The following MEIS2 variants were observed in gnomAD, a reference collection of about 807,000 sequenced individuals.
The protein encoded by MEIS2 is homeobox protein Meis2.
MEIS2 carries 9 observed loss-of-function variants against 58.6 expected under a neutral mutation model. That is an observed-to-expected ratio of 0.15 (90% CI 0.09 to 0.27). The LOEUF is 0.27. Among genes scored for constraint, MEIS2 ranks in the 10% least tolerant of loss-of-function variants. The probability of loss-of-function intolerance (pLI) is 1.00; values close to 1 mark genes in which losing one functional copy is unlikely to be tolerated. For synonymous variants in MEIS2, 221 were observed against 228.4 expected (o/e 0.97, Z 0.29); for missense variants, 427 against 635.0 (o/e 0.67, Z 3.52).
intron 7 of MEIS2, among the ~76,000 whole-genome samples, chr15:37,056,732 T>C (rs1345426405): frequency 6.6e-6 from 1 of 152,196 alleles, no homozygotes; most frequent in Non-Finnish European, 1.5e-5. Flanking sequence ...TCCACCATTA[T>C]GGAAATTATA....
intron 9 of MEIS2, among the ~76,000 whole-genome samples, chr15:36,946,848 C>G (rs969266423): frequency 3.9e-5 from 6 of 151,966 alleles, no homozygotes; most frequent in Non-Finnish European, 5.9e-5. Context: ...TAACCCCACA[C>G]GGTCTGATTC....
chr15:36,917,177 C>T (rs973530997), intron 9 of MEIS2, among the ~76,000 whole-genome samples: 1 of 152,222 alleles, frequency 6.6e-6, no homozygotes, highest in African/African-American at 2.4e-5. Context: ...TCTTTATCCG[C>T]TATTTCCCAG....
intron 9 of MEIS2, among the ~76,000 whole-genome samples, chr15:36,900,339 GA>G (rs1453454182): frequency 2.6e-5 from 4 of 152,056 alleles, no homozygotes; most frequent in Admixed American, 6.5e-5. Context: ...CTTAGGGAAT[GA>G]ATACCCTAAA....
intron 7 of MEIS2, among the ~76,000 whole-genome samples, chr15:37,080,537 T>C (rs951564996): frequency 2.6e-5 from 4 of 152,094 alleles, no homozygotes; most frequent in Non-Finnish European, 5.9e-5. Context: ...TCTGGCAAAA[T>C]ACACAGTGAA....
chr15:36,892,734 T>C (rs1368069493), intron 11 of MEIS2, among the ~76,000 whole-genome samples: 2 of 152,226 alleles, frequency 1.3e-5, no homozygotes, highest in Non-Finnish European at 1.5e-5. Context: ...TGGTATTCAG[T>C]ACATTTCTTT....
intron 9 of MEIS2, among the ~76,000 whole-genome samples, chr15:36,908,486 AC>A (rs1203427312): frequency 6.6e-6 from 1 of 152,210 alleles, no homozygotes; most frequent in East Asian, 1.9e-4. Context: ...TCTACAACAG[AC>A]AAAAAAGCAA....
Position 37,058,193 on chromosome 15 carries a change from A to C in MEIS2, c.755-21234T>G, listed in dbSNP as rs1450827261. Among the ~76,000 whole-genome samples the C allele has an allele frequency of 3.3e-5, 5 of 152,176 alleles. No homozygotes were observed. In the East Asian group the frequency reaches 9.7e-4, roughly 29 times the overall value. ...CCCCCAAAGGATCGTGCATGGGCTT[A>C]ATTCCCTGCCTGAAAACAGGTCAAG... On this transcript the variant is annotated intron_variant, in intron 7 of 11. Transcript: ENST00000561208.
chr15:36,997,489 C>CTTTT (rs11286332), intron 8 of MEIS2, among the ~76,000 whole-genome samples: 1 of 136,324 alleles, frequency 7.3e-6, no homozygotes. Flanking sequence ...CTCTCTCTCT[C>CTTTT]TTTTTTTTTT....
intron 5 of MEIS2, 22 bp downstream of exon 5, chr15:37,094,505 G>A: frequency 6.2e-7 from 1 of 1,610,406 alleles, no homozygotes; most frequent in South Asian, 1.1e-5. Flanking sequence ...AATCAACACG[G>A]GGAGCGTTAT....
intron 9 of MEIS2, among the ~76,000 whole-genome samples, chr15:36,943,214 C>A (rs972472016): frequency 1.3e-5 from 2 of 151,940 alleles, no homozygotes; most frequent in Admixed American, 6.6e-5. Context: ...ATCATGCAAC[C>A]CACTGAAATA....
chr15:36,981,067 T>C (rs373703704), intron 8 of MEIS2, among the ~76,000 whole-genome samples: 112 of 148,586 alleles, frequency 7.5e-4, no homozygotes, highest in African/African-American at 2.7e-3. Flanking sequence ...TTGAGAAAAA[T>C]TGTAATCTTT....
chr15:36,992,251 G>A (rs1433705661), intron 8 of MEIS2, among the ~76,000 whole-genome samples: 1 of 151,916 alleles, frequency 6.6e-6, no homozygotes, highest in Non-Finnish European at 1.5e-5. Context: ...AATTAGCTTA[G>A]TATTTCTTCC....
At chr15:37,030,408 C>T (rs930737426) in intron 8 of MEIS2, among the ~76,000 whole-genome samples, 10 of 152,172 alleles carry the variant, frequency 6.6e-5, no homozygotes, top group African/African-American at 2.4e-4. Context: ...ACAGTCTCCA[C>T]TCACTGCAAC....
intron 7 of MEIS2, among the ~76,000 whole-genome samples, chr15:37,082,453 C>G (rs751629122): frequency 6.6e-6 from 1 of 152,056 alleles, no homozygotes; most frequent in Non-Finnish European, 1.5e-5. Flanking sequence ...CAGATTTAAC[C>G]ATGCTGAGAA....
intron 9 of MEIS2, among the ~76,000 whole-genome samples, chr15:36,912,478 C>T (rs1223750079): frequency 6.6e-6 from 1 of 152,178 alleles, no homozygotes; most frequent in African/African-American, 2.4e-5. Flanking sequence ...AACACTTTCA[C>T]ATAATGGCAG....
At chr15:36,892,997 C>T (rs2055961959) in intron 11 of MEIS2, among the ~76,000 whole-genome samples, 1 of 152,142 alleles carries the variant, frequency 6.6e-6, no homozygotes. Context: ...GAATTAGAGG[C>T]ATTCCTATAG....
At chr15:36,996,009 A>ATG (rs2060501719) in intron 8 of MEIS2, among the ~76,000 whole-genome samples, 2 of 123,030 alleles carry the variant, frequency 1.6e-5, no homozygotes, top group African/African-American at 5.8e-5. Flanking sequence ...ATATGTATAT[A>ATG]TATATACATA....
intron 8 of MEIS2, among the ~76,000 whole-genome samples, chr15:36,973,718 G>T (rs148704178): frequency 6.6e-6 from 1 of 151,686 alleles, no homozygotes; most frequent in Non-Finnish European, 1.5e-5. Flanking sequence ...GTTCAAATAA[G>T]AAGTTAAAAT....
intron 10 of MEIS2, among the ~76,000 whole-genome samples, chr15:36,896,079 G>C (rs1240053371): frequency 3.3e-5 from 5 of 152,160 alleles, no homozygotes. Flanking sequence ...GAAATTGAGA[G>C]AATTCTGAGA....
Sources: gnomAD v4.1 joint callset for allele counts (sites outside exome capture counted in the v4.1 genomes callset) on GRCh38, gnomAD v4.1.1 for gene constraint, MANE v1.5 for transcripts, NCBI Gene and HGNC (gene_info 2026-07-23, HGNC 2026-07-21) for gene names.